The following DLC1 variants were observed in gnomAD, a reference collection of about 807,000 sequenced individuals.
The protein encoded by DLC1 is rho GTPase-activating protein 7.
A neutral mutation model predicts 140.3 loss-of-function variants in DLC1; 54 were observed. That is an observed-to-expected ratio of 0.38 (90% CI 0.31 to 0.48). The LOEUF (loss-of-function observed/expected upper bound fraction) is 0.48. DLC1 is among the 20% of genes least tolerant of loss of function. The probability of loss-of-function intolerance (pLI) is 0.96; values close to 1 mark genes in which losing one functional copy is unlikely to be tolerated. For synonymous variants in DLC1, 986 were observed against 728.1 expected (o/e 1.35, Z -5.70); for missense variants, 2,536 against 1,907.0 (o/e 1.33, Z -6.14).
chr8:13,308,397 C>T (rs1016167906), intron 4 of DLC1, among the ~76,000 whole-genome samples: 3 of 152,114 alleles, frequency 2.0e-5, no homozygotes, highest in East Asian at 1.9e-4. Flanking sequence ...AAGAGTAAAA[C>T]CACATAGTGA....
chr8:13,308,757 G>A (rs753867874), intron 4 of DLC1, among the ~76,000 whole-genome samples: 42 of 152,110 alleles, frequency 2.8e-4, no homozygotes, highest in African/African-American at 8.7e-4. Context: ...AAAAGAGTGC[G>A]AAGAATATAG....
chr8:13,396,076 T>TTTG, intron 3 of DLC1, among the ~76,000 whole-genome samples: 1 of 150,448 alleles, frequency 6.6e-6, no homozygotes. Context: ...TTTTTTTTTT[T>TTTG]TGAGACGGAG....
chr8:13,107,700 C>G (rs1299576402), intron 7 of DLC1, among the ~76,000 whole-genome samples: 2 of 152,104 alleles, frequency 1.3e-5, no homozygotes, highest in African/African-American at 4.8e-5. Flanking sequence ...ATAATCAGTA[C>G]AACAACTATC....
Position 13,499,799 on chromosome 8 carries a change from A to G in DLC1, c.273T>C (p.His91=), listed in dbSNP as rs764120333. The G allele has an allele frequency of 3.1e-6, 5 of 1,614,018 alleles. No homozygotes were observed. The Admixed American group carries it at 8.3e-5, about 27-fold the overall frequency. The change falls in exon 2 of 18, where the codon CAT becomes CAC. Residue 91 remains histidine (H), a synonymous_variant. Coordinates refer to ENST00000276297, the MANE Select transcript of DLC1 (RefSeq NM_182643.3). ...GAGAAAGAAACTGATCTTCACCTTCATGGCTGTCATTTTCGTCCACATCCT... is the reference window on the plus strand; with the variant it reads ...GAGAAAGAAACTGATCTTCACCTTCGTGGCTGTCATTTTCGTCCACATCCT... ...LSKDVDENDS[H]EGEDQFLSLE... is the part of the protein sequence containing the mutation.
intron 4 of DLC1, among the ~76,000 whole-genome samples, chr8:13,367,552 AAAT>A (rs1425233407): frequency 6.6e-6 from 1 of 152,222 alleles, no homozygotes; most frequent in African/African-American, 2.4e-5. Context: ...CAACAAAACA[AAAT>A]AAGACAAAGA....
intron 5 of DLC1, among the ~76,000 whole-genome samples, chr8:13,142,492 C>T (rs750218128): frequency 7.9e-5 from 12 of 152,116 alleles, no homozygotes; most frequent in Admixed American, 2.0e-4. Context: ...CTCCAGATAT[C>T]TGAATCTCTA....
chr8:13,468,767 G>T (rs887605368), intron 2 of DLC1, among the ~76,000 whole-genome samples: 1 of 141,816 alleles, frequency 7.1e-6, no homozygotes, highest in Non-Finnish European at 1.5e-5. Context: ...CAAATCAAAG[G>T]ATTGGCTTTT....
chr8:13,199,656 A>C (rs1470132048), intron 5 of DLC1, among the ~76,000 whole-genome samples: 4 of 152,134 alleles, frequency 2.6e-5, no homozygotes, highest in Non-Finnish European at 1.5e-5. Context: ...ATATTAAAAT[A>C]TTTTTATGAA....
chr8:13,260,482 G>C (rs1830431807), intron 5 of DLC1, among the ~76,000 whole-genome samples: 1 of 152,198 alleles, frequency 6.6e-6, no homozygotes, highest in Non-Finnish European at 1.5e-5. Context: ...GGAAAGAATA[G>C]ATAATGAAGT....
At chr8:13,326,163 C>G (rs76919174) in intron 4 of DLC1, among the ~76,000 whole-genome samples, 4 of 152,158 alleles carry the variant, frequency 2.6e-5, no homozygotes, top group Non-Finnish European at 1.5e-5. Context: ...TGATGCATGA[C>G]TATACTGCAA....
chr8:13,113,793 T>C (rs142813740), intron 6 of DLC1, among the ~76,000 whole-genome samples: 100 of 152,298 alleles, frequency 6.6e-4, no homozygotes, highest in Non-Finnish European at 1.1e-3. Context: ...AGCATGCAAG[T>C]TAATCAAAAG....
chr8:13,475,581 C>T (rs763171773), intron 2 of DLC1, among the ~76,000 whole-genome samples: 1 of 152,174 alleles, frequency 6.6e-6, no homozygotes, highest in Non-Finnish European at 1.5e-5. Flanking sequence ...AGATTATAAA[C>T]AGTAGTAGTT....
At chr8:13,470,907 C>T (rs189869875) in intron 2 of DLC1, among the ~76,000 whole-genome samples, 1 of 152,096 alleles carries the variant, frequency 6.6e-6, no homozygotes, top group African/African-American at 2.4e-5. Context: ...ATAAAGATAA[C>T]TTGATATACA....
At chr8:13,468,442 G>A (rs2117056959) in intron 2 of DLC1, among the ~76,000 whole-genome samples, 1 of 148,232 alleles carries the variant, frequency 6.7e-6, no homozygotes, top group Non-Finnish European at 1.5e-5. Flanking sequence ...GTATGGTGGT[G>A]GGATCATAGG....
intron 4 of DLC1, among the ~76,000 whole-genome samples, chr8:13,327,740 C>G (rs1016781002): frequency 6.6e-6 from 1 of 152,208 alleles, no homozygotes; most frequent in Non-Finnish European, 1.5e-5. Context: ...TAGCAGTGAA[C>G]AAAGGTAGAC....
In DLC1 at chr8:13,173,368, C is replaced by CTTTT. The variant is rs35778236; in HGVS notation, c.1349-57715_1349-57712dup. Among the ~76,000 whole-genome samples, 297 of 103,500 alleles carry CTTTT rather than the reference C, an allele frequency of 2.9e-3. 2 individuals are homozygous for CTTTT. Among genetic ancestry groups the CTTTT allele is most frequent in the East Asian group, 6.2e-3 (20 of 3,224 alleles). The allele number at this position is 103,500 out of a possible 152,430, so 67.9% of individuals were successfully genotyped here. ...AATGCTTCTTTCTTTGTTCTGCCCT[C>CTTTT]TTTTTTTTTTTTTTTTTTTTTTGAG... is the stretch of plus-strand genomic sequence containing the variant. On this transcript the variant is annotated intron_variant, in intron 5 of 17. Coordinates refer to ENST00000276297, the MANE Select transcript of DLC1 (RefSeq NM_182643.3).
intron 5 of DLC1, among the ~76,000 whole-genome samples, chr8:13,198,865 C>T (rs1827216644): frequency 6.6e-6 from 1 of 151,876 alleles, no homozygotes; most frequent in Non-Finnish European, 1.5e-5. Flanking sequence ...TACAGATGTG[C>T]ACCACCACAC....
intron 4 of DLC1, among the ~76,000 whole-genome samples, chr8:13,313,781 A>C (rs2117561417): frequency 6.6e-6 from 1 of 152,286 alleles, no homozygotes; most frequent in South Asian, 2.1e-4. Context: ...AGATTTTGAA[A>C]AACATTTTTG....
intron 1 of DLC1, among the ~76,000 whole-genome samples, chr8:13,535,382 T>C (rs186311997): frequency 6.6e-6 from 1 of 152,198 alleles, no homozygotes; most frequent in Admixed American, 6.5e-5. Context: ...GACAAGCTTA[T>C]CTAGATCTTC....
Sources: allele counts gnomAD v4.1 joint callset (sites outside exome capture counted in the v4.1 genomes callset), GRCh38; gene constraint gnomAD v4.1.1; transcripts MANE v1.5; gene names NCBI Gene and HGNC (gene_info 2026-07-23, HGNC 2026-07-21).